Variants in SIDT2 observed in about 807,000 individuals in gnomAD.
SIDT2 encodes the protein SID1 transmembrane family member 2.
A neutral mutation model predicts 114.4 loss-of-function variants in SIDT2; 68 were observed. The observed-to-expected ratio is 0.59, with a 90% CI of 0.49 to 0.73. The LOEUF is 0.73. Ranked by LOEUF, SIDT2 falls within the 30% of genes least tolerant of loss-of-function variation. The pLI, the probability that SIDT2 is intolerant of heterozygous loss-of-function variation, is 0.00. For synonymous variants in SIDT2, 470 were observed against 438.4 expected (o/e 1.07, Z -0.90); for missense variants, 918 against 1,097.1 (o/e 0.84, Z 2.31).
chr11:117,192,635 C>T lies in SIDT2; in HGVS notation c.2043C>T (p.Ser681=), dbSNP rs12286490. 9.8e-4 allele frequency: 1,584 copies of T among 1,612,312 alleles called. 17 individuals are homozygous for T. In the African/African-American group the frequency reaches 0.017, roughly 18 times the overall value. Reference sequence around the variant, plus strand: ...ACACAGACTGCATCCGGCAGTGCAGCGGGCCGCTCTACGTGGTACCTGCCT... The same window carrying T: ...ACACAGACTGCATCCGGCAGTGCAGTGGGCCGCTCTACGTGGTACCTGCCT... ...VLYTDCIRQC[S]GPLYVDRMVL... Residue 681 remains serine (S), a synonymous_variant, in exon 21 of 26, where the codon AGC becomes AGT. Transcript: ENST00000324225. The surrounding 1 kb of genome is among the most constrained non-coding windows in gnomAD (Gnocchi z 5.9).
rs754164265 is a variant in SIDT2 at position 117,190,181 on chromosome 11, C to T, written c.1509C>T (p.Ile503=). ...CCCCTTCTAGCGCCTTCAACAACAT[C>T]CTCAGCAACCTGGGGTACATCCTGC... ...PLGNLSAFNN[I]LSNLGYILLG... The change falls in exon 17 of 26, where the codon ATC becomes ATT. Residue 503 remains isoleucine, a synonymous_variant. Transcript: ENST00000324225. The surrounding 1 kb of genome is among the most constrained non-coding windows in gnomAD (Gnocchi z 4.1). 2 of 1,578,554 alleles carry T rather than the reference C, an allele frequency of 1.3e-6. No homozygotes were observed. The highest frequency in any genetic ancestry group is 1.7e-6 in the Non-Finnish European group (2 of 1,162,186).
Position 117,192,967 on chromosome 11 carries a change from C to A in SIDT2, c.2105+101C>A. ...CTAAGGACAACTTCCAAATGTTGGG[C>A]ATAAGACATGGGGGCTAAGAGAGAT... is the stretch of plus-strand genomic sequence containing the variant. On this transcript the variant is annotated intron_variant, in intron 22 of 25. Transcript: ENST00000324225. The surrounding 1 kb of genome is among the most constrained non-coding windows in gnomAD (Gnocchi z 5.9). 6.7e-7 allele frequency: 1 copy of A among 1,485,990 alleles called. No individual in the cohort carries two copies. The highest frequency in any genetic ancestry group is 9.4e-7 in the Non-Finnish European group (1 of 1,063,630). The allele number at this position is 1,485,990 out of a possible 1,614,324, so 92.1% of individuals were successfully genotyped here. A position where few individuals can be genotyped will look rare whatever the true frequency, so the allele number is the denominator to read the frequency against.
chr11:117,192,334 G>C lies in SIDT2; in HGVS notation c.1953G>C (p.Gln651His). Residue 651 changes from glutamine (Q) to histidine (H), a missense_variant, in exon 20 of 26, where the codon CAG (glutamine) becomes CAC (histidine). This residue lies in a region of SIDT2 where 275 missense variants were observed against 397.6 expected (regional missense o/e 0.69). Transcript: ENST00000324225. This position sits in a 1 kb window ranked among gnomAD's most constrained non-coding sequence, Gnocchi z 5.9. ...TCGCCACCCTGCTCCTCAGCACGCA[G>C]CTCTATTACATGGGCCGGTGGAAAC... is the stretch of plus-strand genomic sequence containing the variant. ...HIIATLLLST[Q>H]LYYMGRWKLD... The C allele has an allele frequency of 6.2e-7, 1 of 1,609,196 alleles. No homozygotes were observed. Among genetic ancestry groups the C allele is most frequent in the Non-Finnish European group, 8.5e-7 (1 of 1,175,756 alleles).
In SIDT2 at chr11:117,188,036, G is replaced by A; in HGVS notation, c.1159+337G>A. ...TGACTGCCGGCTGTGGGGCCAGAAA[G>A]ATTCTATGTGCATGGCTTCCCCATG... On this transcript the variant is annotated intron_variant, in intron 12 of 25. Transcript: ENST00000324225. This position sits in a 1 kb window ranked among gnomAD's most constrained non-coding sequence, Gnocchi z 4.0. 1 of 546,282 alleles carries A rather than the reference G, an allele frequency of 1.8e-6. No individual in the cohort carries two copies. The highest frequency in any genetic ancestry group is 2.2e-5 in the Admixed American group (1 of 44,612). The allele number at this position is 546,282 out of a possible 1,614,324, so 33.8% of individuals were successfully genotyped here.
Position 117,194,121 on chromosome 11 carries a change from T to G in SIDT2, c.2322+158T>G, listed in dbSNP as rs12295637. 7.5e-3 allele frequency: 4,277 copies of G among 571,674 alleles called. 161 individuals are homozygous for G. Among genetic ancestry groups the G allele is most frequent in the African/African-American group, 0.073 (3,877 of 52,874 alleles). The allele number at this position is 571,674 out of a possible 1,614,324, so 35.4% of individuals were successfully genotyped here. On this transcript the variant is annotated intron_variant, in intron 24 of 25. Transcript: ENST00000324225. ...TTCAAGACCAGCCTGGGCAATATAG[T>G]AAGAACCCGTCTCTACAAAAAATAA...
At chr11:117,186,666 C>A (rs972198716) in intron 10 of SIDT2, 30 bp downstream of exon 10, 3 of 1,528,260 alleles carry the variant, frequency 2.0e-6, no homozygotes, top group Admixed American at 2.2e-5. Flanking sequence ...GTGGGGCGGG[C>A]ACAGTGTGCT....
At chr11:117,179,513 G>A in intron 1 of SIDT2, 67 bp downstream of exon 1, 2 of 1,526,034 alleles carry the variant, frequency 1.3e-6, no homozygotes, top group Non-Finnish European at 8.9e-7. Flanking sequence ...CGATTCTGCC[G>A]CCCCGCTACC....
At chr11:117,182,428 G>C (rs1404549765) in intron 4 of SIDT2, 91 bp from the exon 5 acceptor site, 1 of 1,166,700 alleles carries the variant, frequency 8.6e-7, no homozygotes, top group East Asian at 2.4e-5. Flanking sequence ...GAGGATTCTG[G>C]GTCCTCGCTT....
chr11:117,182,269 G>A, intron 4 of SIDT2, 164 bp downstream of exon 4: 2 of 824,168 alleles, frequency 2.4e-6, no homozygotes, highest in East Asian at 2.7e-5. Flanking sequence ...GGGACAGACA[G>A]CATGGGACTG....
At position 117,188,725 on chromosome 11, in the gene SIDT2, G is replaced by A; in HGVS notation, c.1177G>A (p.Val393Ile). The change falls in exon 13 of 26, where the codon GTA becomes ATA. Residue 393 changes from valine (V) to isoleucine (I), a missense_variant. Physicochemically the swap from Val to Ile is conservative, Grantham distance 29. Transcript: ENST00000324225. The surrounding 1 kb of genome is among the most constrained non-coding windows in gnomAD (Gnocchi z 4.0). ...CTTTCCAGGCCGCTCCTTTGAACCTGTAGGTACTCGGCCCCGAGTGGACTC... is the reference window on the plus strand; with the variant it reads ...CTTTCCAGGCCGCTCCTTTGAACCTATAGGTACTCGGCCCCGAGTGGACTC... ...YGYQGRSFEP[V>I]GTRPRVDSMS... is the part of the protein sequence containing the mutation. 6.2e-7 allele frequency: 1 copy of A among 1,614,144 alleles called. No individual in the cohort carries two copies. The highest frequency in any genetic ancestry group is 1.1e-5 in the South Asian group (1 of 91,086).
intron 10 of SIDT2, 26 bp from the exon 11 acceptor site, chr11:117,187,352 T>C (rs746031401): frequency 3.7e-6 from 6 of 1,610,308 alleles, no homozygotes; most frequent in African/African-American, 2.7e-5. Flanking sequence ...CGTCCAGTGC[T>C]AACAGACCTT....
rs956499357 is a variant in SIDT2, at chr11:117,189,061, C to A, written c.1279-108C>A. 6.9e-5 allele frequency: 84 copies of A among 1,209,158 alleles called. 1 individual carries two copies. The highest frequency in any genetic ancestry group is 6.4e-4 in the Admixed American group (37 of 57,728). The allele number at this position is 1,209,158 out of a possible 1,614,324, so 74.9% of individuals were successfully genotyped here. On this transcript the variant is annotated intron_variant, in intron 13 of 25. Coordinates refer to ENST00000324225, the MANE Select transcript of SIDT2 (RefSeq NM_001040455.2). ...GTGGGATGTCCTTGAACCCTGCCCC[C>A]CTGAATTCGGCCCTGTGTGAGGGAG...
Position 117,179,255 on chromosome 11 carries a change from GC to G in SIDT2, c.-7del, listed in dbSNP as rs2134245308. ...CCACCACCGCTGCCACTGCCGCCCT[GC>G]CGGGGCCATGTTCGCTCTGGGCTTG... On this transcript the variant is annotated 5_prime_UTR_variant, in exon 1 of 26. Coordinates refer to ENST00000324225, the MANE Select transcript of SIDT2 (RefSeq NM_001040455.2). 6.2e-7 allele frequency: 1 copy of G among 1,606,288 alleles called. No homozygotes were observed. The highest frequency in any genetic ancestry group is 2.2e-5 in the East Asian group (1 of 44,720).
intron 10 of SIDT2, 23 bp from the exon 11 acceptor site, chr11:117,187,355 C>T (rs775801078): frequency 1.4e-5 from 22 of 1,610,898 alleles, no homozygotes; most frequent in Non-Finnish European, 1.9e-5. Flanking sequence ...CCAGTGCTAA[C>T]AGACCTTGAC....
intron 6 of SIDT2, among the ~76,000 whole-genome samples, chr11:117,183,519 T>C (rs2030379617): frequency 6.6e-6 from 1 of 151,784 alleles, no homozygotes; most frequent in African/African-American, 2.4e-5. Flanking sequence ...ACGCCTGTAA[T>C]CCCAGCTACT....
At chr11:117,194,815 A>G (rs544359962) in intron 24 of SIDT2, among the ~76,000 whole-genome samples, 14 of 152,184 alleles carry the variant, frequency 9.2e-5, no homozygotes, top group African/African-American at 3.4e-4. Context: ...AGGGCTGGGC[A>G]CGGTGGCTCA....
Position 117,188,708 on chromosome 11 carries a change from G to T in SIDT2, c.1160G>T (p.Gly387Val). 1 of 1,613,900 alleles carries T rather than the reference G, an allele frequency of 6.2e-7. No homozygotes were observed. The highest frequency in any genetic ancestry group is 1.1e-5 in the South Asian group (1 of 91,084). The change falls in exon 13 of 26, where the codon GGC (glycine) becomes GTC (valine). Residue 387 changes from glycine (G) to valine (V), a missense_variant and splice_region_variant. This residue lies in a region of SIDT2 where 553 missense variants were observed against 600.1 expected (regional missense o/e 0.92). Transcript: ENST00000324225. The surrounding 1 kb of genome is among the most constrained non-coding windows in gnomAD (Gnocchi z 4.0). The part of the protein sequence containing the change: ...GTGDLSYGYQ[G>V]RSFEPVGTRP... ...ACCCCTCCCTCCCTGCCCTTTCCAG[G>T]CCGCTCCTTTGAACCTGTAGGTACT...
intron 8 of SIDT2, among the ~76,000 whole-genome samples, chr11:117,184,994 G>A (rs1454700348): frequency 6.6e-6 from 1 of 151,892 alleles, no homozygotes; most frequent in Admixed American, 6.6e-5. Context: ...CCCAGAGTGT[G>A]GGATTACAGG....
intron 8 of SIDT2, among the ~76,000 whole-genome samples, chr11:117,185,301 G>A (rs907193845): frequency 6.6e-6 from 1 of 151,880 alleles, no homozygotes; most frequent in Non-Finnish European, 1.5e-5. Context: ...CACCTGCCCC[G>A]GCTCCCAAAG....
Sources: gnomAD v4.1 joint callset for allele counts (sites outside exome capture counted in the v4.1 genomes callset) on GRCh38, gnomAD v4.1.1 for gene constraint, gnomAD v4.1.1 regional missense constraint, Gnocchi (gnomAD v3.1) non-coding constraint, MANE v1.5 for transcripts, NCBI Gene and HGNC (gene_info 2026-07-23, HGNC 2026-07-21) for gene names.